Variants in SLC4A2 observed in about 807,000 individuals in gnomAD.
The protein encoded by SLC4A2 is anion exchange protein 2.
In SLC4A2, 36 loss-of-function variants were observed where a neutral mutation model predicts 115.0. The observed-to-expected ratio is 0.31, with a 90% CI of 0.24 to 0.41. The LOEUF (loss-of-function observed/expected upper bound fraction) is 0.41, where lower values mean the gene tolerates loss of function less well. Among genes scored for constraint, SLC4A2 ranks in the 10% least tolerant of loss-of-function variants. The probability of loss-of-function intolerance (pLI) is 1.00; values close to 1 mark genes in which losing one functional copy is unlikely to be tolerated. For missense variants in SLC4A2, 1,252 were observed against 1,705.6 expected, an observed-to-expected ratio of 0.73 and a Z score of 4.68; for synonymous variants, 708 against 708.3, an observed-to-expected ratio of 1.00 and a Z score of 0.01.
rs763097239 is a variant in SLC4A2, at chr7:151,070,899, C to T, written c.1737C>T (p.Leu579=). Residue 579 remains leucine (L), a synonymous_variant, in exon 12 of 23, where the codon CTC becomes CTT. Transcript: ENST00000413384. ...AGATCGGCCGCTCCATCTCCACCCT[C>T]ATGTCAGACAAGGTCAGCTACCCTC... ...YHEIGRSIST[L]MSDKQFHEAA... 1.2e-6 allele frequency: 2 copies of T among 1,612,788 alleles called. No individual in the cohort carries two copies. Among genetic ancestry groups the T allele is most frequent in the Non-Finnish European group, 1.7e-6 (2 of 1,179,966 alleles).
rs1307237615 is a variant in SLC4A2 at position 151,074,405 on chromosome 7, C to T, written c.2797C>T (p.Arg933Trp). 3 of 1,613,832 alleles carry T rather than the reference C, an allele frequency of 1.9e-6. No homozygotes were observed. The highest frequency in any genetic ancestry group is 2.5e-6 in the Non-Finnish European group (3 of 1,180,018). ...NSRFFPGRIR[R>W]VIGDFGVPIA... ...GCTGTGCCTGCCCACTCAGATCCGGCGGGTGATTGGGGACTTTGGGGTGCC... is the reference window on the plus strand; with the variant it reads ...GCTGTGCCTGCCCACTCAGATCCGGTGGGTGATTGGGGACTTTGGGGTGCC... Residue 933 changes from arginine (R) to tryptophan (W), a missense_variant, in exon 18 of 23, where the codon CGG becomes TGG. Transcript: ENST00000413384.
Position 151,070,718 on chromosome 7 carries a change from C to A in SLC4A2, c.1565-9C>A. The A allele has an allele frequency of 6.2e-7, 1 of 1,612,320 alleles. No individual in the cohort carries two copies. Among genetic ancestry groups the A allele is most frequent in the Non-Finnish European group, 8.5e-7 (1 of 1,179,756 alleles). ...TCTGCTCTTGCCCACGATGGTCCCACGCCCCTAGGCTGCGTGGAGTTCCTC... is the reference window on the plus strand; with the variant it reads ...TCTGCTCTTGCCCACGATGGTCCCAAGCCCCTAGGCTGCGTGGAGTTCCTC... On this transcript the variant is annotated splice_polypyrimidine_tract_variant and intron_variant, in intron 11 of 22. Coordinates refer to ENST00000413384, the MANE Select transcript of SLC4A2 (RefSeq NM_003040.4).
chr7:151,062,177 G>A (rs1233712515), intron 2 of SLC4A2, 139 bp downstream of exon 2: 3 of 725,086 alleles, frequency 4.1e-6, no homozygotes, highest in Non-Finnish European at 2.4e-6. Flanking sequence ...TCCCTACCCT[G>A]ACTTTGCATG....
rs1797004397 is a variant in SLC4A2 at position 151,060,299 on chromosome 7, G to T, written c.-64+537G>T. ...TGGACCTGACTCCCGGGGTCGGTTT[G>T]TCCAGGCGGGAAGTTCTGTGCTGGG... On this transcript the variant is annotated intron_variant, in intron 1 of 22. Coordinates refer to ENST00000413384, the MANE Select transcript of SLC4A2 (RefSeq NM_003040.4). The surrounding 1 kb of genome is among the most constrained non-coding windows in gnomAD (Gnocchi z 5.9). 1 of 152,416 alleles carries T rather than the reference G, an allele frequency of 6.6e-6. No individual in the cohort carries two copies. The highest frequency in any genetic ancestry group is 2.4e-5 in the African/African-American group (1 of 41,454). The allele number at this position is 152,416 out of a possible 1,614,324, so 9.4% of individuals were successfully genotyped here.
chr7:151,073,068 C>T (rs1361173596), intron 16 of SLC4A2, among the ~76,000 whole-genome samples: 1 of 152,172 alleles, frequency 6.6e-6, no homozygotes, highest in Non-Finnish European at 1.5e-5. Flanking sequence ...GATCCTTCTG[C>T]CTCAGCCACC....
chr7:151,065,643 A>G (rs1367153554), intron 5 of SLC4A2, among the ~76,000 whole-genome samples: 1 of 152,200 alleles, frequency 6.6e-6, no homozygotes, highest in African/African-American at 2.4e-5. Context: ...AGTGAAGGGC[A>G]TGTTGTCCCC....
At chr7:151,062,778 G>A in intron 2 of SLC4A2, 1 of 1,369,966 alleles carries the variant, frequency 7.3e-7, no homozygotes. Context: ...GCTTAGGGGA[G>A]CCAGGAGATG....
chr7:151,074,584 T>G, intron 18 of SLC4A2, 91 bp from the exon 19 acceptor site: 1 of 1,583,306 alleles, frequency 6.3e-7, no homozygotes. Flanking sequence ...GTCCTTAAGC[T>G]TAAGCCTGTC....
chr7:151,058,418 C>T (rs1796952607), upstream of SLC4A2: 1 of 160,102 alleles, frequency 6.2e-6, no homozygotes, highest in East Asian at 1.9e-4. Flanking sequence ...CCCAAGCCAC[C>T]TAGTGACCCC....
Position 151,071,329 on chromosome 7 carries a change from C to T in SLC4A2, c.1975+32C>T. Reference sequence around the variant, plus strand: ...CCAGGGCGGGCTGGGGCCAGGGCTGCCTCGAGGGGGTGAGGTGGGCAAGAG... The same window carrying T: ...CCAGGGCGGGCTGGGGCCAGGGCTGTCTCGAGGGGGTGAGGTGGGCAAGAG... On this transcript the variant is annotated intron_variant, in intron 13 of 22. Transcript: ENST00000413384. The surrounding 1 kb of genome is among the most constrained non-coding windows in gnomAD (Gnocchi z 5.5). 1 of 1,542,776 alleles carries T rather than the reference C, an allele frequency of 6.5e-7. No individual in the cohort carries two copies. The highest frequency in any genetic ancestry group is 8.7e-7 in the Non-Finnish European group (1 of 1,146,806).
chr7:151,067,607 G>C (rs766124363), intron 7 of SLC4A2, among the ~76,000 whole-genome samples: 1 of 152,218 alleles, frequency 6.6e-6, no homozygotes, highest in Non-Finnish European at 1.5e-5. Context: ...GGCACGTAGC[G>C]TGCCATGTGC....
chr7:151,074,501 CCA>C lies in SLC4A2; in HGVS notation c.2880+16_2880+17del, dbSNP rs1308156526. Reference sequence around the variant, plus strand: ...CACCTATACCCAGGTAAGGTGCTGCCCACAGCAGGCAAGTGCTGCTGCCTCTG... The same window carrying C: ...CACCTATACCCAGGTAAGGTGCTGCCCAGCAGGCAAGTGCTGCTGCCTCTG... On this transcript the variant is annotated intron_variant, in intron 18 of 22. Transcript: ENST00000413384. The C allele has an allele frequency of 1.5e-5, 24 of 1,612,690 alleles. No homozygotes were observed. The highest frequency in any genetic ancestry group is 2.0e-5 in the Non-Finnish European group (23 of 1,179,168).
At chr7:151,062,358 G>A (rs1217845285) in intron 2 of SLC4A2, among the ~76,000 whole-genome samples, 1 of 152,148 alleles carries the variant, frequency 6.6e-6, no homozygotes, top group Non-Finnish European at 1.5e-5. Flanking sequence ...TGGCCTTAGA[G>A]GCGCAGGTCA....
chr7:151,075,022 A>G (rs1196190333), intron 19 of SLC4A2, 181 bp downstream of exon 19: 1 of 877,510 alleles, frequency 1.1e-6, no homozygotes, highest in Admixed American at 2.2e-5. Context: ...TGGGACAGGA[A>G]CAGCACGTGG....
intron 16 of SLC4A2, 100 bp from the exon 17 acceptor site, chr7:151,073,939 G>A (rs1797527338): frequency 1.5e-6 from 2 of 1,295,794 alleles, no homozygotes; most frequent in Non-Finnish European, 1.1e-6. Context: ...AAGCAGGCCA[G>A]CCTTTCCCCT....
In SLC4A2 at chr7:151,071,315, T is replaced by C. The variant is rs1389473377; in HGVS notation, c.1975+18T>C. The C allele has an allele frequency of 2.6e-6, 4 of 1,545,742 alleles. No individual in the cohort carries two copies. Among genetic ancestry groups the C allele is most frequent in the Non-Finnish European group, 3.5e-6 (4 of 1,147,858 alleles). On this transcript the variant is annotated intron_variant, in intron 13 of 22. Coordinates refer to ENST00000413384, the MANE Select transcript of SLC4A2 (RefSeq NM_003040.4). This position sits in a 1 kb window ranked among gnomAD's most constrained non-coding sequence, Gnocchi z 5.5. ...AGATAAGGGTACGGCCAGGGCGGGC[T>C]GGGGCCAGGGCTGCCTCGAGGGGGT...
At chr7:151,067,155 C>T (rs1797263870) in intron 7 of SLC4A2, among the ~76,000 whole-genome samples, 162 bp downstream of exon 7, 1 of 152,226 alleles carries the variant, frequency 6.6e-6, no homozygotes, top group African/African-American at 2.4e-5. Context: ...GTGGTGTGAT[C>T]TCAGCTCACT....
intron 2 of SLC4A2, chr7:151,062,696 G>T: frequency 6.7e-7 from 1 of 1,487,128 alleles, no homozygotes; most frequent in Non-Finnish European, 8.9e-7. Context: ...TCTCCCCATG[G>T]CGGCAAGCTC....
rs146066287 is a variant in SLC4A2 at position 151,066,239 on chromosome 7, G to C, written c.579-278G>C. On this transcript the variant is annotated intron_variant, in intron 5 of 22. Transcript: ENST00000413384. ...ACCGCCAAAGGCTGGTCTCAGCCCTGGCTGCTGAGGAGCAGTTGACGTTCG... is the reference window on the plus strand; with the variant it reads ...ACCGCCAAAGGCTGGTCTCAGCCCTCGCTGCTGAGGAGCAGTTGACGTTCG... 4.6e-3 allele frequency among the ~76,000 whole-genome samples: 704 copies of C among 152,362 alleles called. 6 individuals carry two copies. The highest frequency in any genetic ancestry group is 8.7e-3 in the Non-Finnish European group (591 of 68,026).
Sources: allele counts gnomAD v4.1 joint callset (sites outside exome capture counted in the v4.1 genomes callset), GRCh38; gene constraint gnomAD v4.1.1; non-coding constraint Gnocchi (gnomAD v3.1); transcripts MANE v1.5; gene names NCBI Gene and HGNC (gene_info 2026-07-23, HGNC 2026-07-21).